Variants in GNAZ observed in about 807,000 individuals in gnomAD.
GNAZ encodes guanine nucleotide-binding protein G(z) subunit alpha.
GNAZ carries 3 observed loss-of-function variants against 25.4 expected under a neutral mutation model. That is an observed-to-expected ratio of 0.12 (90% confidence interval 0.05 to 0.30). The LOEUF (loss-of-function observed/expected upper bound fraction) is 0.30, where lower values mean the gene tolerates loss of function less well. Ranked by LOEUF, GNAZ falls within the 10% of genes least tolerant of loss-of-function variation. GNAZ has a pLI of 1.00. For synonymous variants in GNAZ, 211 were observed against 205.7 expected (o/e 1.03, Z -0.22); for missense variants, 241 against 501.8 (o/e 0.48, Z 4.97).
chr22:23,085,499 G>A (rs2068792509), intron 1 of GNAZ, among the ~76,000 whole-genome samples: 1 of 152,232 alleles, frequency 6.6e-6, no homozygotes, highest in South Asian at 2.1e-4. Context: ...CGTGCTGGGT[G>A]ATTTAGGAGC....
Position 23,112,702 on chromosome 22 carries a change from T to C in GNAZ, c.724-10385T>C, listed in dbSNP as rs565397894. Among the ~76,000 whole-genome samples, 8 of 152,302 alleles carry C rather than the reference T, an allele frequency of 5.3e-5. No individual in the cohort carries two copies. The South Asian group carries it at 1.2e-3, about 24-fold the overall frequency. ...TGGCAAGTGCTCAAGGTAAGCACGATGCAGCTGCGACCTGTAGACTGGCTG... is the reference window on the plus strand; with the variant it reads ...TGGCAAGTGCTCAAGGTAAGCACGACGCAGCTGCGACCTGTAGACTGGCTG... On this transcript the variant is annotated intron_variant, in intron 2 of 2. Coordinates refer to ENST00000615612, the MANE Select transcript of GNAZ (RefSeq NM_002073.4).
At chr22:23,112,454 G>A (rs574960625) in intron 2 of GNAZ, among the ~76,000 whole-genome samples, 2 of 152,284 alleles carry the variant, frequency 1.3e-5, no homozygotes, top group East Asian at 3.9e-4. Context: ...AGCATGCCAG[G>A]GTGCAGCCAG....
intron 1 of GNAZ, among the ~76,000 whole-genome samples, chr22:23,077,731 C>CA (rs2146259940): frequency 6.6e-6 from 1 of 152,282 alleles, no homozygotes; most frequent in East Asian, 1.9e-4. Flanking sequence ...TCCCCAGAGG[C>CA]AAAGCTGGGA....
chr22:23,124,051 C>G lies in GNAZ; in HGVS notation c.*620C>G, dbSNP rs976908899. On this transcript the variant is annotated 3_prime_UTR_variant, in exon 3 of 3. Transcript: ENST00000615612. ...GCCACTCACAGCTCTTTTTAAAAAA[C>G]AGCTTCAAAATATGCAGCAAAAACC... 1 of 229,298 alleles carries G rather than the reference C, an allele frequency of 4.4e-6. No individual in the cohort carries two copies. The highest frequency in any genetic ancestry group is 2.4e-5 in the African/African-American group (1 of 42,214). 14.2% of individuals were successfully genotyped at this position (229,298 alleles called of 1,614,324 possible).
intron 1 of GNAZ, among the ~76,000 whole-genome samples, 186 bp from the exon 2 acceptor site, chr22:23,095,061 A>T (rs759218071): frequency 6.6e-6 from 1 of 152,236 alleles, no homozygotes. Context: ...AACAGCAGAC[A>T]TATGTGTTAC....
At chr22:23,073,416 C>A (rs905917604) in intron 1 of GNAZ, among the ~76,000 whole-genome samples, 5 of 152,234 alleles carry the variant, frequency 3.3e-5, no homozygotes, top group Admixed American at 6.5e-5. Flanking sequence ...AGCACCCAGA[C>A]TGTTGTGGCT....
chr22:23,078,464 G>A (rs2146262353), intron 1 of GNAZ, among the ~76,000 whole-genome samples: 1 of 151,452 alleles, frequency 6.6e-6, no homozygotes, highest in Middle Eastern at 3.4e-3. Flanking sequence ...CCTCCAAGGA[G>A]TCTCCTGGCC....
At chr22:23,104,485 C>T (rs1172515533) in intron 2 of GNAZ, among the ~76,000 whole-genome samples, 1 of 152,236 alleles carries the variant, frequency 6.6e-6, no homozygotes, top group Non-Finnish European at 1.5e-5. Context: ...ATCGGCTAGG[C>T]TTGCCCAGGC....
chr22:23,080,428 G>A (rs1317321605), intron 1 of GNAZ, among the ~76,000 whole-genome samples: 13 of 152,324 alleles, frequency 8.5e-5, no homozygotes. Context: ...CCCAGCCGGG[G>A]CATAGCCTGG....
chr22:23,121,963 C>A (rs1569187442), intron 2 of GNAZ, among the ~76,000 whole-genome samples: 1 of 152,026 alleles, frequency 6.6e-6, no homozygotes, highest in Non-Finnish European at 1.5e-5. Flanking sequence ...GAACTCCTGA[C>A]CTTGTGATCC....
chr22:23,085,879 G>T (rs2068804514), intron 1 of GNAZ, among the ~76,000 whole-genome samples: 1 of 152,182 alleles, frequency 6.6e-6, no homozygotes, highest in Non-Finnish European at 1.5e-5. Flanking sequence ...AATCCTTTTT[G>T]TTTCTCTCTC....
intron 2 of GNAZ, among the ~76,000 whole-genome samples, chr22:23,101,487 C>T (rs1382569185): frequency 1.3e-5 from 2 of 152,124 alleles, no homozygotes; most frequent in Non-Finnish European, 2.9e-5. Context: ...GTTGACACTC[C>T]CCTCGTCCCC....
chr22:23,091,357 C>T (rs1260690945), intron 1 of GNAZ, among the ~76,000 whole-genome samples: 5 of 152,154 alleles, frequency 3.3e-5, no homozygotes, highest in Non-Finnish European at 7.4e-5. Flanking sequence ...GGCACCTATG[C>T]ATACACGCAC....
intron 1 of GNAZ, among the ~76,000 whole-genome samples, chr22:23,072,429 T>C (rs955458996): frequency 2.0e-5 from 3 of 152,186 alleles, no homozygotes; most frequent in South Asian, 2.1e-4. Flanking sequence ...CTAACTGACG[T>C]TGATTTTCTG....
rs745403027 is a variant in GNAZ at position 23,071,416 on chromosome 22, G to A, written c.-450+846G>A. On this transcript the variant is annotated intron_variant, in intron 1 of 2. Coordinates refer to ENST00000615612, the MANE Select transcript of GNAZ (RefSeq NM_002073.4). This position sits in a 1 kb window ranked among gnomAD's most constrained non-coding sequence, Gnocchi z 4.1. ...ACCAGCGTTCCGCGTAGTCCGTGTT[G>A]GGGTGGAGGGACCCGCCTGGTAGAG... 6.6e-6 allele frequency among the ~76,000 whole-genome samples: 1 copy of A among 152,204 alleles called. No homozygotes were observed. The highest frequency in any genetic ancestry group is 1.5e-5 in the Non-Finnish European group (1 of 68,032).
chr22:23,072,308 G>A (rs915805261), intron 1 of GNAZ, among the ~76,000 whole-genome samples: 16 of 152,132 alleles, frequency 1.1e-4, no homozygotes, highest in Non-Finnish European at 1.9e-4. Context: ...GTGCAGTGGG[G>A]GTGTGGATGG....
At chr22:23,114,111 C>T (rs1462712363) in intron 2 of GNAZ, among the ~76,000 whole-genome samples, 2 of 152,172 alleles carry the variant, frequency 1.3e-5, no homozygotes, top group Non-Finnish European at 2.9e-5. Flanking sequence ...AGGGTGCTGC[C>T]CTCAGAGCCT....
At chr22:23,093,042 C>T (rs530565352) in intron 1 of GNAZ, among the ~76,000 whole-genome samples, 1 of 152,354 alleles carries the variant, frequency 6.6e-6, no homozygotes, top group African/African-American at 2.4e-5. Context: ...AGGTCGTCAG[C>T]AGGGACAAGG....
At chr22:23,113,078 T>G (rs2069701344) in intron 2 of GNAZ, among the ~76,000 whole-genome samples, 1 of 152,106 alleles carries the variant, frequency 6.6e-6, no homozygotes, top group Non-Finnish European at 1.5e-5. Flanking sequence ...ACCTCCAGGC[T>G]AGCACCCTGC....
Sources: gnomAD v4.1 joint callset for allele counts (sites outside exome capture counted in the v4.1 genomes callset) on GRCh38, gnomAD v4.1.1 for gene constraint, Gnocchi (gnomAD v3.1) non-coding constraint, MANE v1.5 for transcripts, NCBI Gene and HGNC (gene_info 2026-07-23, HGNC 2026-07-21) for gene names.